The following SUMF1 variants were observed in gnomAD, a reference collection of about 807,000 sequenced individuals.
SUMF1 encodes sulfatase modifying factor 1.
In SUMF1, 48 loss-of-function variants were observed where a neutral mutation model predicts 47.6. That is an observed-to-expected ratio of 1.01 (90% CI 0.80 to 1.28). The LOEUF (loss-of-function observed/expected upper bound fraction) is 1.28, where lower values mean the gene tolerates loss of function less well. Among genes scored for constraint, SUMF1 ranks in the 50% most tolerant of loss-of-function variants. The probability of loss-of-function intolerance (pLI) is 0.00; values close to 1 mark genes in which losing one functional copy is unlikely to be tolerated. For missense variants in SUMF1, 571 were observed against 485.4 expected (o/e 1.18, Z -1.66); for synonymous variants, 230 against 192.1 (o/e 1.20, Z -1.63).
chr3:4,318,926 G>T (rs76856464), intron 8 of SUMF1, among the ~76,000 whole-genome samples: 1,631 of 152,078 alleles, frequency 0.011, 19 homozygotes, highest in African/African-American at 0.036. Flanking sequence ...AAAAAAAGCC[G>T]TAAAAATAAT....
intron 3 of SUMF1, among the ~76,000 whole-genome samples, chr3:4,424,076 C>T (rs927463719): frequency 6.6e-6 from 1 of 152,168 alleles, no homozygotes; most frequent in African/African-American, 2.4e-5. Flanking sequence ...CAGCTTAATA[C>T]AAAAATTAAT....
intron 7 of SUMF1, among the ~76,000 whole-genome samples, chr3:4,393,171 G>T (rs1048743797): frequency 1.3e-5 from 2 of 152,064 alleles, no homozygotes; most frequent in African/African-American, 4.8e-5. Context: ...TGCTACCGTG[G>T]GCTAGTCATG....
intron 6 of SUMF1, chr3:4,414,741 A>G (rs1027826776): frequency 2.0e-5 from 3 of 152,204 alleles, no homozygotes; most frequent in Admixed American, 1.3e-4. Flanking sequence ...GAGTGTCCTT[A>G]TTTCATATTG....
chr3:4,432,782 T>C (rs763895880), intron 3 of SUMF1, among the ~76,000 whole-genome samples: 3 of 152,332 alleles, frequency 2.0e-5, no homozygotes, highest in Non-Finnish European at 4.4e-5. Flanking sequence ...ATAACCTCCA[T>C]GAGAATAAGG....
At chr3:4,335,904 G>T (rs1191939395) in intron 8 of SUMF1, among the ~76,000 whole-genome samples, 1 of 131,000 alleles carries the variant, frequency 7.6e-6, no homozygotes, top group South Asian at 2.4e-4. Context: ...AGGTTGCAAT[G>T]AACTGAAGAT....
At chr3:4,285,898 A>C (rs777904482) in intron 8 of SUMF1, among the ~76,000 whole-genome samples, 1 of 152,198 alleles carries the variant, frequency 6.6e-6, no homozygotes, top group African/African-American at 2.4e-5. Context: ...AGTATAAATT[A>C]TAATTTAAAT....
intron 8 of SUMF1, among the ~76,000 whole-genome samples, chr3:4,323,623 GACA>G (rs1052162577): frequency 6.6e-6 from 1 of 152,090 alleles, no homozygotes; most frequent in Admixed American, 6.6e-5. Context: ...TGAGGAGGAG[GACA>G]ACAACCACCT....
chr3:4,455,877 C>G (rs1398207993), intron 1 of SUMF1, among the ~76,000 whole-genome samples: 2 of 152,088 alleles, frequency 1.3e-5, no homozygotes, highest in Non-Finnish European at 1.5e-5. Flanking sequence ...TTTTATGATA[C>G]CAGCATTACA....
intron 8 of SUMF1, among the ~76,000 whole-genome samples, chr3:4,131,668 G>GAAAATTGGTGAC (rs1254602806): frequency 2.0e-4 from 30 of 152,288 alleles, no homozygotes; most frequent in African/African-American, 7.0e-4. Context: ...AACATGATTG[G>GAAAATTGGTGAC]AAAATTGGTG....
chr3:4,430,801 C>T lies in SUMF1; in HGVS notation c.520-10655G>A, dbSNP rs138718252. Among the ~76,000 whole-genome samples the T allele has an allele frequency of 2.0e-5, 3 of 152,160 alleles. No individual in the cohort carries two copies. The East Asian group carries it at 5.8e-4, about 30-fold the overall frequency. ...CCCAATCAAAGTCAGGGGGGTGATG[C>T]CCTGACAGTGCTTCCTGCGGGAGGT... On this transcript the variant is annotated intron_variant, in intron 3 of 8. Coordinates refer to ENST00000272902, the MANE Select transcript of SUMF1 (RefSeq NM_182760.4).
intron 8 of SUMF1, among the ~76,000 whole-genome samples, chr3:4,340,150 C>T (rs547211116): frequency 6.6e-6 from 1 of 151,972 alleles, no homozygotes; most frequent in East Asian, 1.9e-4. Flanking sequence ...CTGCTTGGCC[C>T]CAACTCCGGA....
intron 3 of SUMF1, among the ~76,000 whole-genome samples, chr3:4,447,838 G>A (rs1239819180): frequency 2.0e-5 from 3 of 152,158 alleles, no homozygotes; most frequent in Admixed American, 6.6e-5. Flanking sequence ...CACCTTCACA[G>A]CCTAGCAATG....
At chr3:4,111,206 T>C (rs1425188522) in intron 8 of SUMF1, among the ~76,000 whole-genome samples, 1 of 151,842 alleles carries the variant, frequency 6.6e-6, no homozygotes, top group Non-Finnish European at 1.5e-5. Flanking sequence ...AACTTGGGTA[T>C]AGGAAAATTT....
intron 8 of SUMF1, among the ~76,000 whole-genome samples, chr3:4,251,856 AT>A (rs757295771): frequency 6.6e-6 from 1 of 152,122 alleles, no homozygotes; most frequent in African/African-American, 2.4e-5. Flanking sequence ...AATTATTAGA[AT>A]TTTTTTTAGC....
intron 8 of SUMF1, among the ~76,000 whole-genome samples, chr3:4,236,557 C>G (rs1696413893): frequency 6.7e-6 from 1 of 149,670 alleles, no homozygotes; most frequent in Non-Finnish European, 1.5e-5. Context: ...AGTTCAAGTT[C>G]AGCATGGGCA....
At chr3:4,145,643 G>T (rs1447179479) in intron 8 of SUMF1, among the ~76,000 whole-genome samples, 5 of 152,056 alleles carry the variant, frequency 3.3e-5, no homozygotes, top group South Asian at 2.1e-4. Context: ...GTCAATTTTT[G>T]CCATAAGCCT....
chr3:4,255,679 C>T (rs1304075935), intron 8 of SUMF1, among the ~76,000 whole-genome samples: 1 of 139,628 alleles, frequency 7.2e-6, no homozygotes, highest in Non-Finnish European at 1.5e-5. Flanking sequence ...GACTTTAACA[C>T]CCCATTGTCA....
intron 8 of SUMF1, among the ~76,000 whole-genome samples, chr3:4,147,723 A>G (rs1187445834): frequency 6.6e-6 from 1 of 152,190 alleles, no homozygotes; most frequent in East Asian, 1.9e-4. Context: ...AACAGTCATG[A>G]TACAGGATGC....
intron 8 of SUMF1, among the ~76,000 whole-genome samples, chr3:4,187,823 T>C (rs2125139397): frequency 6.6e-6 from 1 of 152,322 alleles, no homozygotes; most frequent in South Asian, 2.1e-4. Flanking sequence ...TTAAACTTCC[T>C]TTGGACCTCA....
Sources: allele counts gnomAD v4.1 joint callset (sites outside exome capture counted in the v4.1 genomes callset), GRCh38; gene constraint gnomAD v4.1.1; transcripts MANE v1.5; gene names NCBI Gene and HGNC (gene_info 2026-07-23, HGNC 2026-07-21).